GGACT: variants seen among roughly 807,000 people sequenced by gnomAD.
GGACT encodes gamma-glutamylaminecyclotransferase.
For missense variants in GGACT, 241 were observed against 233.2 expected, an observed-to-expected ratio of 1.03 and a Z score of -0.22; for synonymous variants, 118 against 115.3, an observed-to-expected ratio of 1.02 and a Z score of -0.15.
chr13:100,585,327 T>C (rs547510687), intron 1 of GGACT, among the ~76,000 whole-genome samples: 15 of 152,334 alleles, frequency 9.8e-5, no homozygotes, highest in African/African-American at 3.4e-4. Context: ...AACACAGCCA[T>C]GCTTATCCAT....
Position 100,545,315 on chromosome 13 carries a change from T to A in GGACT, c.-10-12714A>T, listed in dbSNP as rs1243374279. ...CCCAGCTTCTCCCCCCTTTTGCAGA[T>A]GGGGAAGCTGGGGCAGAGGTGAAGT... On this transcript the variant is annotated intron_variant, in intron 2 of 2. Coordinates refer to ENST00000683975, the MANE Select transcript of GGACT (RefSeq NM_001195087.2). The surrounding 1 kb of genome is among the most constrained non-coding windows in gnomAD (Gnocchi z 4.4). Among the ~76,000 whole-genome samples, 1 of 152,164 alleles carries A rather than the reference T, an allele frequency of 6.6e-6. No homozygotes were observed. The highest frequency in any genetic ancestry group is 1.5e-5 in the Non-Finnish European group (1 of 68,020).
intron 2 of GGACT, among the ~76,000 whole-genome samples, chr13:100,549,944 A>C (rs1465185440): frequency 6.6e-6 from 1 of 152,220 alleles, no homozygotes; most frequent in Non-Finnish European, 1.5e-5. Context: ...TTTTGTATAA[A>C]TTATCTTGTT....
chr13:100,579,130 A>T (rs898889844), intron 2 of GGACT, among the ~76,000 whole-genome samples: 2 of 152,244 alleles, frequency 1.3e-5, no homozygotes, highest in Non-Finnish European at 2.9e-5. Context: ...TGTGGAAGGC[A>T]TGATGGCGGA....
At chr13:100,543,972 C>T (rs189318523) in intron 2 of GGACT, among the ~76,000 whole-genome samples, 79 of 152,358 alleles carry the variant, frequency 5.2e-4, no homozygotes, top group Admixed American at 3.5e-3. Context: ...GTTTCAAGGA[C>T]ACCAACTGCT....
At chr13:100,558,888 G>A (rs1473784041) in intron 2 of GGACT, among the ~76,000 whole-genome samples, 1 of 152,240 alleles carries the variant, frequency 6.6e-6, no homozygotes, top group East Asian at 1.9e-4. Flanking sequence ...AGTTAGATGA[G>A]AGGAGTTAAA....
intron 2 of GGACT, among the ~76,000 whole-genome samples, chr13:100,564,198 C>T (rs1487051103): frequency 6.6e-6 from 1 of 152,096 alleles, no homozygotes; most frequent in Non-Finnish European, 1.5e-5. Flanking sequence ...GCTCTCCAGG[C>T]GATTCTGGTG....
intron 2 of GGACT, among the ~76,000 whole-genome samples, chr13:100,535,578 G>A (rs375170138): frequency 2.0e-5 from 3 of 152,132 alleles, no homozygotes; most frequent in Admixed American, 6.5e-5. Flanking sequence ...AGCGTGTGCC[G>A]CTGCTGTCAT....
At chr13:100,550,884 AG>A (rs2153014137) in intron 2 of GGACT, among the ~76,000 whole-genome samples, 1 of 152,332 alleles carries the variant, frequency 6.6e-6, no homozygotes, top group East Asian at 1.9e-4. Context: ...ATGTTTACTC[AG>A]CCATTTTCTG....
At chr13:100,561,003 G>A (rs982909697) in intron 2 of GGACT, among the ~76,000 whole-genome samples, 12 of 152,218 alleles carry the variant, frequency 7.9e-5, no homozygotes, top group African/African-American at 2.2e-4. Flanking sequence ...TCACAAGCAC[G>A]CCTCCTAGAC....
intron 2 of GGACT, among the ~76,000 whole-genome samples, chr13:100,572,959 TAATGG>T (rs1875131256): frequency 6.6e-6 from 1 of 152,194 alleles, no homozygotes; most frequent in Non-Finnish European, 1.5e-5. Context: ...TTTTGCTATA[TAATGG>T]CATCTTTTAT....
In GGACT at chr13:100,530,857, G is replaced by GCAGT; in HGVS notation, c.*1269_*1272dup. On this transcript the variant is annotated 3_prime_UTR_variant, in exon 3 of 3. Transcript: ENST00000683975. ...TCCCTTCCCCATTGCACAAGCCAGG[G>GCAGT]CAGTCACAAGGAGCTTGGGCTGCCT... 6.4e-6 allele frequency: 1 copy of GCAGT among 155,560 alleles called. No individual in the cohort carries two copies. The highest frequency in any genetic ancestry group is 1.9e-4 in the East Asian group (1 of 5,234). The allele number at this position is 155,560 out of a possible 1,614,324, so 9.6% of individuals were successfully genotyped here.
chr13:100,558,586 G>A (rs2088730149), intron 2 of GGACT, among the ~76,000 whole-genome samples: 1 of 152,220 alleles, frequency 6.6e-6, no homozygotes, highest in South Asian at 2.1e-4. Flanking sequence ...AAAGCAGTTT[G>A]ACAGTGTCTT....
At chr13:100,561,296 A>G (rs918156434) in intron 2 of GGACT, among the ~76,000 whole-genome samples, 12 of 152,230 alleles carry the variant, frequency 7.9e-5, no homozygotes, top group African/African-American at 2.9e-4. Context: ...AGCTGCTTAC[A>G]TCTGACTTGG....
intron 2 of GGACT, chr13:100,535,715 A>G (rs889389582): frequency 6.6e-6 from 1 of 152,230 alleles, no homozygotes; most frequent in Non-Finnish European, 1.5e-5. Flanking sequence ...GCTCTTGGCT[A>G]AGACACAGAG....
chr13:100,552,602 A>C (rs2088675054), intron 2 of GGACT, among the ~76,000 whole-genome samples: 1 of 152,100 alleles, frequency 6.6e-6, no homozygotes, highest in South Asian at 2.1e-4. Context: ...TCCAACTTTA[A>C]AAACCAAAGC....
chr13:100,554,797 G>C (rs1222860595), intron 2 of GGACT, among the ~76,000 whole-genome samples: 1 of 152,194 alleles, frequency 6.6e-6, no homozygotes, highest in Middle Eastern at 3.2e-3. Flanking sequence ...GAGAATCATT[G>C]TACTGCTCTA....
At position 100,560,035 on chromosome 13, in the gene GGACT, C is replaced by T. The variant is rs150465772; in HGVS notation, c.-11+23790G>A. ...ACATCCCGTATGATTCCATTAGATC[C>T]GGGTAGATCCAGGAAAAGCCAAGCC... On this transcript the variant is annotated intron_variant, in intron 2 of 2. Coordinates refer to ENST00000683975, the MANE Select transcript of GGACT (RefSeq NM_001195087.2). 5.5e-4 allele frequency among the ~76,000 whole-genome samples: 83 copies of T among 152,178 alleles called. 2 individuals carry two copies. In the East Asian group the frequency reaches 0.011, roughly 20 times the overall value.
intron 2 of GGACT, among the ~76,000 whole-genome samples, chr13:100,577,397 C>T (rs1875278656): frequency 7.3e-6 from 1 of 136,474 alleles, no homozygotes; most frequent in African/African-American, 2.8e-5. Context: ...TCCTGGGTGA[C>T]AAGAGCGAGA....
At chr13:100,543,343 G>C (rs1356783415) in intron 2 of GGACT, among the ~76,000 whole-genome samples, 1 of 151,640 alleles carries the variant, frequency 6.6e-6, no homozygotes. Flanking sequence ...GAGTAGCTGG[G>C]ACTATAGGTG....
Sources: gnomAD v4.1 joint callset for allele counts (sites outside exome capture counted in the v4.1 genomes callset) on GRCh38, gnomAD v4.1.1 for gene constraint, Gnocchi (gnomAD v3.1) non-coding constraint, MANE v1.5 for transcripts, NCBI Gene and HGNC (gene_info 2026-07-23, HGNC 2026-07-21) for gene names.